The following KCNAB1 variants were observed in gnomAD, a reference collection of about 807,000 sequenced individuals.
The protein encoded by KCNAB1 is potassium voltage-gated channel subfamily A regulatory beta subunit 1.
KCNAB1 carries 35 observed loss-of-function variants against 64.6 expected under a neutral mutation model. That is an observed-to-expected ratio of 0.54 (90% CI 0.41 to 0.72). The LOEUF (loss-of-function observed/expected upper bound fraction) is 0.72. KCNAB1 is among the 30% of genes least tolerant of loss of function. KCNAB1 has a pLI of 0.00. For synonymous variants in KCNAB1, 177 were observed against 183.8 expected, an observed-to-expected ratio of 0.96 and a Z score of 0.30; for missense variants, 401 against 512.9, an observed-to-expected ratio of 0.78 and a Z score of 2.11.
At chr3:156,197,234 G>A (rs1714009245) in intron 1 of KCNAB1, among the ~76,000 whole-genome samples, 2 of 152,188 alleles carry the variant, frequency 1.3e-5, no homozygotes. Context: ...TTGCATTGAT[G>A]TTCATCAGGG....
intron 12 of KCNAB1, among the ~76,000 whole-genome samples, chr3:156,529,393 C>T (rs2108420819): frequency 6.6e-6 from 1 of 151,690 alleles, no homozygotes; most frequent in East Asian, 1.9e-4. Flanking sequence ...AAGGTTGCAC[C>T]TTAAAAATGA....
intron 1 of KCNAB1, among the ~76,000 whole-genome samples, chr3:156,222,222 G>A (rs146522727): frequency 5.0e-4 from 76 of 152,268 alleles, no homozygotes; most frequent in African/African-American, 1.6e-3. Flanking sequence ...TAAGGTAAAG[G>A]GGGGCGGGAA....
rs1210935629 is a variant in KCNAB1 at position 156,536,730 on chromosome 3, A to G, written c.1243A>G (p.Lys415Glu). 6.2e-7 allele frequency: 1 copy of G among 1,609,652 alleles called. No homozygotes were observed. The highest frequency in any genetic ancestry group is 8.5e-7 in the Non-Finnish European group (1 of 1,175,924). ...ACTGCGCAACAAGCCCTACAGCAAG[A>G]AGGACTATAGATCATAAGGCAATGC... ...NILRNKPYSK[K>E]DYRS The change falls in exon 14 of 14, where the codon AAG becomes GAG. Residue 415 changes from lysine (K) to glutamate (E), a missense_variant. Lys to Glu is a moderately conservative substitution (Grantham distance 56, BLOSUM62 1). Coordinates refer to ENST00000490337, the MANE Select transcript of KCNAB1 (RefSeq NM_172160.3).
chr3:156,232,097 A>G (rs1234947892), intron 1 of KCNAB1, among the ~76,000 whole-genome samples: 1 of 152,212 alleles, frequency 6.6e-6, no homozygotes, highest in Non-Finnish European at 1.5e-5. Flanking sequence ...TCAACATCAA[A>G]CACTTCTTCA....
chr3:156,217,461 G>C (rs1715398519), intron 1 of KCNAB1, among the ~76,000 whole-genome samples: 2 of 152,182 alleles, frequency 1.3e-5, no homozygotes, highest in Admixed American at 1.3e-4. Context: ...ACTTTCTTAA[G>C]ACCTGAGTAA....
At chr3:156,256,270 T>C (rs1008117844) in intron 1 of KCNAB1, among the ~76,000 whole-genome samples, 1 of 152,210 alleles carries the variant, frequency 6.6e-6, no homozygotes, top group Non-Finnish European at 1.5e-5. Flanking sequence ...TTCTATAATA[T>C]TTTTTTCACT....
chr3:156,288,856 G>T (rs549047736), intron 1 of KCNAB1, among the ~76,000 whole-genome samples: 11 of 152,206 alleles, frequency 7.2e-5, no homozygotes, highest in Non-Finnish European at 1.2e-4. Flanking sequence ...GAACGTGCAG[G>T]ATTTTCTTTC....
intron 1 of KCNAB1, among the ~76,000 whole-genome samples, chr3:156,172,821 T>G (rs1382621969): frequency 6.6e-6 from 1 of 152,202 alleles, no homozygotes; most frequent in Non-Finnish European, 1.5e-5. Context: ...CTCTCTGAGC[T>G]GGGTTTTGCT....
intron 1 of KCNAB1, among the ~76,000 whole-genome samples, chr3:156,140,730 T>C (rs1714658257): frequency 6.6e-6 from 1 of 152,090 alleles, no homozygotes; most frequent in Non-Finnish European, 1.5e-5. Context: ...TATACAAAAA[T>C]ACGGCAGAAA....
At chr3:156,305,473 G>A (rs566896044) in intron 1 of KCNAB1, among the ~76,000 whole-genome samples, 4 of 152,164 alleles carry the variant, frequency 2.6e-5, no homozygotes, top group East Asian at 1.9e-4. Flanking sequence ...TTGCTTTCCA[G>A]TGCAGGCTTA....
At chr3:156,405,675 A>G (rs1714201747) in intron 1 of KCNAB1, among the ~76,000 whole-genome samples, 1 of 152,144 alleles carries the variant, frequency 6.6e-6, no homozygotes, top group African/African-American at 2.4e-5. Flanking sequence ...CTAAAACCAA[A>G]TTTTTATCTT....
intron 1 of KCNAB1, among the ~76,000 whole-genome samples, chr3:156,200,834 A>T (rs1479887360): frequency 6.6e-6 from 1 of 152,146 alleles, no homozygotes; most frequent in African/African-American, 2.4e-5. Flanking sequence ...CTGTTTTGCT[A>T]TGGTTCCAGG....
At chr3:156,301,488 G>A (rs1721151729) in intron 1 of KCNAB1, among the ~76,000 whole-genome samples, 2 of 152,080 alleles carry the variant, frequency 1.3e-5, no homozygotes, top group South Asian at 4.1e-4. Context: ...ATTTCAGAAG[G>A]TTTTCATCTT....
chr3:156,284,561 C>T (rs1397998999), intron 1 of KCNAB1, among the ~76,000 whole-genome samples: 6 of 152,222 alleles, frequency 3.9e-5, no homozygotes, highest in East Asian at 1.9e-4. Flanking sequence ...CTCCCCTCCC[C>T]CAGCCTCGCT....
chr3:156,118,431 C>T, upstream of KCNAB1: 1 of 381,862 alleles, frequency 2.6e-6, no homozygotes, highest in South Asian at 2.0e-5. Context: ...TACATAGCAC[C>T]ACTTCCACCA....
intron 1 of KCNAB1, among the ~76,000 whole-genome samples, chr3:156,192,384 T>A (rs1428089881): frequency 6.6e-6 from 1 of 152,194 alleles, no homozygotes. Context: ...TTTTTAAAAG[T>A]TTATTGAGAC....
intron 1 of KCNAB1, among the ~76,000 whole-genome samples, chr3:156,172,181 A>C (rs964242835): frequency 6.6e-6 from 1 of 152,196 alleles, no homozygotes; most frequent in Non-Finnish European, 1.5e-5. Context: ...ATGAGCAAAC[A>C]CACTCTAAGT....
intron 8 of KCNAB1, among the ~76,000 whole-genome samples, chr3:156,507,466 G>C (rs190457592): frequency 6.6e-6 from 1 of 152,250 alleles, no homozygotes; most frequent in Non-Finnish European, 1.5e-5. Flanking sequence ...TCCATACTAA[G>C]GATGACATCA....
intron 8 of KCNAB1, among the ~76,000 whole-genome samples, chr3:156,485,613 T>A (rs965422671): frequency 3.5e-4 from 54 of 152,142 alleles, no homozygotes; most frequent in African/African-American, 1.3e-3. Context: ...CTATTTTAGA[T>A]TCGGGGGTAC....
Sources: gnomAD v4.1 joint callset for allele counts (sites outside exome capture counted in the v4.1 genomes callset) on GRCh38, gnomAD v4.1.1 for gene constraint, MANE v1.5 for transcripts, NCBI Gene and HGNC (gene_info 2026-07-23, HGNC 2026-07-21) for gene names.